The following TEAD1 variants were observed in gnomAD, a reference collection of about 807,000 sequenced individuals.
TEAD1 encodes the protein transcriptional enhancer factor TEF-1.
A neutral mutation model predicts 54.9 loss-of-function variants in TEAD1; 9 were observed. That is an observed-to-expected ratio of 0.16 (90% CI 0.10 to 0.29). The LOEUF (loss-of-function observed/expected upper bound fraction) is 0.29, where lower values mean the gene tolerates loss of function less well. Among genes scored for constraint, TEAD1 ranks in the 10% least tolerant of loss-of-function variants. TEAD1 has a pLI of 1.00. For missense variants in TEAD1, 387 were observed against 535.9 expected (o/e 0.72, Z 2.74); for synonymous variants, 200 against 187.8 (o/e 1.07, Z -0.53).
intron 3 of TEAD1, among the ~76,000 whole-genome samples, chr11:12,826,451 G>A (rs1053864696): frequency 1.3e-5 from 2 of 152,112 alleles, no homozygotes; most frequent in African/African-American, 2.4e-5. Flanking sequence ...AGTGGTTTTT[G>A]TCCTGCAAAT....
At chr11:12,786,669 G>A (rs1275422033) in intron 3 of TEAD1, among the ~76,000 whole-genome samples, 1 of 152,156 alleles carries the variant, frequency 6.6e-6, no homozygotes, top group African/African-American at 2.4e-5. Context: ...CCAAGGATAT[G>A]TCAGATGCCA....
rs1945287291 is a variant in TEAD1, at chr11:12,770,217, G to A, written c.202+5783G>A. Among the ~76,000 whole-genome samples the A allele has an allele frequency of 2.0e-5, 3 of 152,340 alleles. No individual in the cohort carries two copies. In the South Asian group the frequency reaches 6.2e-4, roughly 32 times the overall value. On this transcript the variant is annotated intron_variant, in intron 3 of 12. Transcript: ENST00000527636. ...GCAGGGCCAGCGTCATCAGCATTTT[G>A]ATTGGGAAGCTTAATGTGTGGGGGG...
chr11:12,869,365 T>C (rs1947692279), intron 5 of TEAD1, among the ~76,000 whole-genome samples: 1 of 152,188 alleles, frequency 6.6e-6, no homozygotes, highest in Admixed American at 6.5e-5. Flanking sequence ...GCACTCATCC[T>C]TGGCTGGCTC....
At chr11:12,802,303 C>A (rs1042779769) in intron 3 of TEAD1, among the ~76,000 whole-genome samples, 7 of 152,058 alleles carry the variant, frequency 4.6e-5, no homozygotes, top group African/African-American at 1.7e-4. Flanking sequence ...TGAGTGACCA[C>A]AATGTGTGTG....
At chr11:12,824,783 G>C (rs972057571) in intron 3 of TEAD1, among the ~76,000 whole-genome samples, 1 of 152,230 alleles carries the variant, frequency 6.6e-6, no homozygotes, top group African/African-American at 2.4e-5. Flanking sequence ...TGATGGGGCC[G>C]GGCTCCTGGC....
intron 5 of TEAD1, 155 bp from the exon 6 acceptor site, chr11:12,879,553 G>A (rs924146778): frequency 2.3e-6 from 2 of 884,872 alleles, no homozygotes; most frequent in African/African-American, 1.6e-5. Context: ...GTGTGGTTTA[G>A]CCTTCTGGCT....
intron 2 of TEAD1, among the ~76,000 whole-genome samples, chr11:12,760,831 A>G (rs1256936462): frequency 1.3e-5 from 2 of 152,064 alleles, no homozygotes; most frequent in Non-Finnish European, 2.9e-5. Context: ...GAGTGCCAGG[A>G]TGGTTATTTT....
At chr11:12,741,396 G>C (rs1405487943) in intron 2 of TEAD1, among the ~76,000 whole-genome samples, 1 of 152,074 alleles carries the variant, frequency 6.6e-6, no homozygotes, top group Non-Finnish European at 1.5e-5. Context: ...AGCCTTTTGA[G>C]GCTCCCAATA....
At chr11:12,707,609 G>T (rs1335202067) in intron 2 of TEAD1, among the ~76,000 whole-genome samples, 1 of 152,202 alleles carries the variant, frequency 6.6e-6, no homozygotes, top group Non-Finnish European at 1.5e-5. Flanking sequence ...GTAGGGAAGA[G>T]GGTGTCTGCT....
At chr11:12,910,747 C>CT (rs5789752) in intron 10 of TEAD1, among the ~76,000 whole-genome samples, 20,286 of 119,632 alleles carry the variant, frequency 0.17, 2,723 homozygotes, top group African/African-American at 0.33. Flanking sequence ...ACTTAATTTG[C>CT]TTTTTTTTTT....
intron 11 of TEAD1, among the ~76,000 whole-genome samples, chr11:12,926,287 A>G (rs1948902193): frequency 6.6e-6 from 1 of 152,164 alleles, no homozygotes; most frequent in Admixed American, 6.5e-5. Flanking sequence ...CCCCTGAGCA[A>G]TGGACAGGCC....
intron 12 of TEAD1, among the ~76,000 whole-genome samples, chr11:12,930,963 A>G (rs1476705337): frequency 1.3e-5 from 2 of 152,242 alleles, no homozygotes; most frequent in African/African-American, 2.4e-5. Flanking sequence ...AATGTTCTTC[A>G]TAGGCTAAAA....
chr11:12,932,629 T>TC (rs2134173097), intron 12 of TEAD1, among the ~76,000 whole-genome samples: 1 of 152,270 alleles, frequency 6.6e-6, no homozygotes, highest in South Asian at 2.1e-4. Flanking sequence ...ATGGTAGTGC[T>TC]CCCATAAGAT....
chr11:12,841,701 G>A lies in TEAD1; in HGVS notation c.203-20549G>A, dbSNP rs144215088. Among the ~76,000 whole-genome samples the A allele has an allele frequency of 3.9e-5, 6 of 152,274 alleles. No homozygotes were observed. In the East Asian group the frequency reaches 9.7e-4, roughly 25 times the overall value. On this transcript the variant is annotated intron_variant, in intron 3 of 12. Coordinates refer to ENST00000527636, the MANE Select transcript of TEAD1 (RefSeq NM_021961.6). The stretch of plus-strand genomic sequence containing the variant: ...AGAGGGAAATGGGAGATGGAGAATC[G>A]AAGCACACTAGTGCTTTCTGGTGTT...
intron 3 of TEAD1, among the ~76,000 whole-genome samples, chr11:12,845,629 C>T (rs1395099220): frequency 6.6e-6 from 1 of 152,174 alleles, no homozygotes; most frequent in Non-Finnish European, 1.5e-5. Flanking sequence ...AGCACTTGCA[C>T]CTGGCTAAGG....
At chr11:12,896,105 A>G (rs971690918) in intron 9 of TEAD1, among the ~76,000 whole-genome samples, 1 of 152,202 alleles carries the variant, frequency 6.6e-6, no homozygotes. Flanking sequence ...TTAATGTTAT[A>G]TATTGGAACC....
At chr11:12,783,112 G>GTGTT (rs944092909) in intron 3 of TEAD1, among the ~76,000 whole-genome samples, 1 of 149,028 alleles carries the variant, frequency 6.7e-6, no homozygotes, top group African/African-American at 2.5e-5. Flanking sequence ...GTGTGTGTGT[G>GTGTT]TGTGTGTGTG....
chr11:12,831,716 T>TTG (rs1279705163), intron 3 of TEAD1, among the ~76,000 whole-genome samples: 1 of 151,432 alleles, frequency 6.6e-6, no homozygotes, highest in African/African-American at 2.4e-5. Flanking sequence ...GTGGCAGAGG[T>TTG]TGCAACAAGC....
chr11:12,689,024 T>G lies in TEAD1; in HGVS notation c.-55+13463T>G, dbSNP rs1218333353. 2.6e-5 allele frequency among the ~76,000 whole-genome samples: 4 copies of G among 151,672 alleles called. No homozygotes were observed. In the East Asian group the frequency reaches 7.7e-4, roughly 29 times the overall value. ...TTTGTTGTTTTTCTGTTTTTTTTTT[T>G]GTTGTTGTTTATTTGTTTGTTTTGT... is the stretch of plus-strand genomic sequence containing the variant. On this transcript the variant is annotated intron_variant, in intron 2 of 12. Coordinates refer to ENST00000527636, the MANE Select transcript of TEAD1 (RefSeq NM_021961.6).
Sources: gnomAD v4.1 joint callset for allele counts (sites outside exome capture counted in the v4.1 genomes callset) on GRCh38, gnomAD v4.1.1 for gene constraint, MANE v1.5 for transcripts, NCBI Gene and HGNC (gene_info 2026-07-23, HGNC 2026-07-21) for gene names.